Variants in PKP1 observed in about 807,000 individuals in gnomAD.
The protein encoded by PKP1 is plakophilin 1, also known as plakophilin-1.
In PKP1, 27 loss-of-function variants were observed where a neutral mutation model predicts 76.4. That is an observed-to-expected ratio of 0.35 (90% CI 0.26 to 0.49). The LOEUF is 0.49. Ranked by LOEUF, PKP1 falls within the 20% of genes least tolerant of loss-of-function variation. The pLI, the probability that PKP1 is intolerant of heterozygous loss-of-function variation, is 0.99. For missense variants in PKP1, 964 were observed against 955.2 expected (o/e 1.01, Z -0.12); for synonymous variants, 404 against 384.2 (o/e 1.05, Z -0.60).
intron 2 of PKP1, among the ~76,000 whole-genome samples, chr1:201,307,553 T>C (rs1389465343): frequency 6.6e-6 from 1 of 152,158 alleles, no homozygotes; most frequent in African/African-American, 2.4e-5. Context: ...GGGGAGCACC[T>C]GTGCTCTCCA....
At position 201,324,927 on chromosome 1, in the gene PKP1, C is replaced by T. The variant is rs370329373; in HGVS notation, c.1835-14C>T. ...GTCATCCTGACCCTGTGCCCCAACT[C>T]GTTCCTCTCCCAGGGAACCAGGTGT... On this transcript the variant is annotated splice_polypyrimidine_tract_variant and intron_variant, in intron 10 of 13. Coordinates refer to ENST00000367324, the MANE Select transcript of PKP1 (RefSeq NM_001005337.3). The T allele has an allele frequency of 6.8e-6, 11 of 1,612,234 alleles. No homozygotes were observed. Among genetic ancestry groups the T allele is most frequent in the African/African-American group, 4.0e-5 (3 of 75,032 alleles).
chr1:201,319,842 T>C, intron 6 of PKP1: 1 of 1,614,158 alleles, frequency 6.2e-7, no homozygotes, highest in Non-Finnish European at 8.5e-7. Context: ...CGGGAGCTTC[T>C]GGCTCTTGTT....
chr1:201,320,086 C>A, intron 6 of PKP1, 181 bp from the exon 7 acceptor site: 1 of 695,868 alleles, frequency 1.4e-6, no homozygotes. Flanking sequence ...TCCTCCCTTT[C>A]CTCTTCTCCT....
intron 11 of PKP1, 121 bp downstream of exon 11, chr1:201,325,248 C>G: frequency 1.9e-6 from 2 of 1,034,864 alleles, no homozygotes; most frequent in South Asian, 2.7e-5. Context: ...CAGGGGGAGC[C>G]AGGGACGGGG....
chr1:201,319,031 T>C (rs925039863), intron 6 of PKP1, among the ~76,000 whole-genome samples: 9 of 152,318 alleles, frequency 5.9e-5, no homozygotes, highest in African/African-American at 2.2e-4. Flanking sequence ...TAGTCAGAAA[T>C]CTGAGCTTGA....
chr1:201,316,675 A>G lies in PKP1; in HGVS notation c.824A>G (p.Gln275Arg), dbSNP rs780602512. ...GAYYIQHTCF[Q>R]DESAKQQVYQ... ...TATTACATCCAGCATACCTGCTTCCAGGATGAATCTGCCAAGCAACAGGTA... is the reference window on the plus strand; with the variant it reads ...TATTACATCCAGCATACCTGCTTCCGGGATGAATCTGCCAAGCAACAGGTA... The change falls in exon 4 of 14, where the codon CAG becomes CGG. Residue 275 changes from glutamine (Q) to arginine (R), a missense_variant. Transcript: ENST00000367324. 1 of 1,613,850 alleles carries G rather than the reference A, an allele frequency of 6.2e-7. No individual in the cohort carries two copies. Among genetic ancestry groups the G allele is most frequent in the African/African-American group, 1.3e-5 (1 of 74,924 alleles).
At chr1:201,317,537 C>T in intron 4 of PKP1, 35 bp from the exon 5 acceptor site, 1 of 1,575,288 alleles carries the variant, frequency 6.3e-7, no homozygotes, top group Non-Finnish European at 8.7e-7. Context: ...CCTCATCTCC[C>T]TTGACCAGGC....
In PKP1 at chr1:201,320,199, T is replaced by C. The variant is rs1558193878; in HGVS notation, c.1233-68T>C. ...CCTGCCTGTCCCCCACCACACTCTC[T>C]TGTCCCCACCTTCCCCGTTCTCTCT... is the stretch of plus-strand genomic sequence containing the variant. On this transcript the variant is annotated intron_variant, in intron 6 of 13. Coordinates refer to ENST00000367324, the MANE Select transcript of PKP1 (RefSeq NM_001005337.3). The C allele has an allele frequency of 4.4e-6, 4 of 900,010 alleles. No homozygotes were observed. The South Asian group carries it at 5.5e-5, about 12-fold the overall frequency. 55.8% of individuals were successfully genotyped at this position (900,010 alleles called of 1,614,324 possible).
intron 1 of PKP1, among the ~76,000 whole-genome samples, chr1:201,288,440 G>A (rs777622410): frequency 1.1e-4 from 17 of 152,054 alleles, no homozygotes; most frequent in South Asian, 2.1e-4. Context: ...ACACAAATGC[G>A]TGAGTCCCAC....
rs1423476509 is a variant in PKP1, at chr1:201,323,015, C to A, written c.1506C>A (p.Asn502Lys). Residue 502 changes from asparagine to lysine, a missense_variant and splice_region_variant, in exon 9 of 14, where the codon AAC (asparagine) becomes AAA (lysine). Asn to Lys is a moderately conservative substitution (Grantham distance 94). Transcript: ENST00000367324. The part of the protein sequence containing the change: ...CFSNKSDKMM[N>K]NNYDCPLPEE... ...CCTGACCGGCTCTTTATCCTCAGAA[C>A]AACAACTATGACTGCCCCCTGCCTG... is the stretch of plus-strand genomic sequence containing the variant. The A allele has an allele frequency of 6.2e-7, 1 of 1,613,950 alleles. No individual in the cohort carries two copies. The highest frequency in any genetic ancestry group is 8.5e-7 in the Non-Finnish European group (1 of 1,179,904).
At chr1:201,316,259 G>T in intron 3 of PKP1, 1 of 381,678 alleles carries the variant, frequency 2.6e-6, no homozygotes, top group Non-Finnish European at 4.7e-6. Flanking sequence ...TCCCCTCAGG[G>T]AATAGGGAGG....
Position 201,317,646 on chromosome 1 carries a change from G to T in PKP1, c.921G>T (p.Ala307=), listed in dbSNP as rs560291851. Residue 307 remains alanine, a synonymous_variant, in exon 5 of 14, where the codon GCG becomes GCT. Transcript: ENST00000367324. ...CCAACCAGAACGTCCAGCAGGCCGC[G>T]GCAGGGGCCCTGCGCAACCTGGTGT... ...RSPNQNVQQA[A]AGALRNLVFR... 6.2e-7 allele frequency: 1 copy of T among 1,614,006 alleles called. No homozygotes were observed.
At chr1:201,301,995 G>T (rs1656246117) in intron 2 of PKP1, among the ~76,000 whole-genome samples, 1 of 152,180 alleles carries the variant, frequency 6.6e-6, no homozygotes, top group South Asian at 2.1e-4. Flanking sequence ...CTGGGGAGGG[G>T]GTCTTGGGTT....
At chr1:201,285,571 A>G (rs1655708516) in intron 1 of PKP1, among the ~76,000 whole-genome samples, 1 of 151,980 alleles carries the variant, frequency 6.6e-6, no homozygotes, top group Non-Finnish European at 1.5e-5. Flanking sequence ...AAGTGCCCCC[A>G]TTTCTGGCTA....
At position 201,290,364 on chromosome 1, in the gene PKP1, G is replaced by A. The variant is rs189545601; in HGVS notation, c.203-3578G>A. On this transcript the variant is annotated intron_variant, in intron 1 of 13. Transcript: ENST00000367324. ...GGTTGGGCACACTGTCAGTGTCACC[G>A]AGAAGCCACCACATCCCTGCTCATG... Among the ~76,000 whole-genome samples the A allele has an allele frequency of 4.6e-5, 7 of 152,166 alleles. No homozygotes were observed. In the East Asian group the frequency reaches 5.8e-4, roughly 13 times the overall value.
At position 201,331,223 on chromosome 1, in the gene PKP1, G is replaced by A. The variant is rs1395854803; in HGVS notation, c.*1182G>A. 1 of 152,236 alleles carries A rather than the reference G, an allele frequency of 6.6e-6. No homozygotes were observed. The highest frequency in any genetic ancestry group is 2.4e-5 in the African/African-American group (1 of 41,426). The allele number at this position is 152,236 out of a possible 1,614,324, so 9.4% of individuals were successfully genotyped here. A position where few individuals can be genotyped will look rare whatever the true frequency, so the allele number is the denominator to read the frequency against. Reference sequence around the variant, plus strand: ...TTTGGGTAGACTAGGAAAGGAAAGTGCCATATCAGGGTACCGGTACCGGCA... The same window carrying A: ...TTTGGGTAGACTAGGAAAGGAAAGTACCATATCAGGGTACCGGTACCGGCA... On this transcript the variant is annotated 3_prime_UTR_variant, in exon 14 of 14. Coordinates refer to ENST00000367324, the MANE Select transcript of PKP1 (RefSeq NM_001005337.3).
chr1:201,323,651 G>A (rs1489122366), intron 9 of PKP1, among the ~76,000 whole-genome samples: 1 of 152,222 alleles, frequency 6.6e-6, no homozygotes, highest in Non-Finnish European at 1.5e-5. Flanking sequence ...GGGCACAGTG[G>A]TATGGGGCAG....
intron 2 of PKP1, among the ~76,000 whole-genome samples, chr1:201,306,679 CTT>C (rs3216545): frequency 1.4e-5 from 2 of 147,068 alleles, no homozygotes; most frequent in African/African-American, 4.9e-5. Flanking sequence ...AAAACTTTTA[CTT>C]TTTTTTTTTT....
At chr1:201,314,972 C>G (rs1342624126) in intron 3 of PKP1, among the ~76,000 whole-genome samples, 2 of 152,236 alleles carry the variant, frequency 1.3e-5, no homozygotes, top group African/African-American at 2.4e-5. Context: ...TGTCCAAGGC[C>G]ACACAGCTGG....
Sources: gnomAD v4.1 joint callset for allele counts (sites outside exome capture counted in the v4.1 genomes callset) on GRCh38, gnomAD v4.1.1 for gene constraint, MANE v1.5 for transcripts, NCBI Gene and HGNC (gene_info 2026-07-23, HGNC 2026-07-21) for gene names.